Variants in LY96 observed in about 807,000 individuals in gnomAD.
LY96 encodes the protein myeloid differentiation protein-2.
A neutral mutation model predicts 18.9 loss-of-function variants in LY96; 18 were observed. The observed-to-expected ratio is 0.95, with a 90% CI of 0.66 to 1.41. The LOEUF is 1.41. Ranked by LOEUF, LY96 falls within the 40% of genes most tolerant of loss-of-function variation. The pLI is 0.00. For missense variants in LY96, 175 were observed against 182.4 expected (o/e 0.96, Z 0.23); for synonymous variants, 66 against 62.6 (o/e 1.06, Z -0.26).
the LY96 span, among the ~76,000 whole-genome samples, chr8:74,093,628 C>T: frequency 6.6e-6 from 1 of 152,198 alleles, no homozygotes; most frequent in Non-Finnish European, 1.5e-5. Context: ...GGCTCAGCCC[C>T]GTGGGAGCAG....
chr8:74,002,316 C>A (rs1355696223), intron 1 of LY96, among the ~76,000 whole-genome samples: 2 of 151,344 alleles, frequency 1.3e-5, no homozygotes, highest in African/African-American at 4.9e-5. Flanking sequence ...GTAGTCTGTT[C>A]TTTTTTTCTT....
At chr8:74,074,283 A>G in the LY96 span, among the ~76,000 whole-genome samples, 2 of 152,236 alleles carry the variant, frequency 1.3e-5, no homozygotes, top group African/African-American at 4.8e-5. Context: ...TACAGGCGTG[A>G]GCCACTGTGC....
At chr8:74,033,754 A>G (rs1164396080), downstream of LY96, among the ~76,000 whole-genome samples, 1 of 152,246 alleles carries the variant, frequency 6.6e-6, no homozygotes, top group Non-Finnish European at 1.5e-5. Flanking sequence ...CAATTAAGTG[A>G]AGAATGTTTT....
At chr8:74,019,073 C>G (rs1244056561) in intron 3 of LY96, among the ~76,000 whole-genome samples, 3 of 152,012 alleles carry the variant, frequency 2.0e-5, no homozygotes, top group African/African-American at 7.3e-5. Flanking sequence ...TAACTAAGAT[C>G]AGAGCAGAAC....
intron 2 of LY96, among the ~76,000 whole-genome samples, chr8:74,007,904 C>T (rs112793867): frequency 0.026 from 3,882 of 152,226 alleles, 178 homozygotes; most frequent in African/African-American, 0.087. Flanking sequence ...GGATTACAGG[C>T]GCCTGCCACT....
intron 1 of LY96, among the ~76,000 whole-genome samples, chr8:73,995,647 G>A (rs1184007278): frequency 6.6e-6 from 1 of 152,142 alleles, no homozygotes; most frequent in Non-Finnish European, 1.5e-5. Context: ...GGCAAAAAAT[G>A]TGGGTGTGTG....
chr8:74,002,576 T>TA (rs1816318860), intron 1 of LY96, among the ~76,000 whole-genome samples: 3 of 140,762 alleles, frequency 2.1e-5, no homozygotes, highest in Non-Finnish European at 3.0e-5. Context: ...TTTATTTCTT[T>TA]TTTTTTTTTT....
the LY96 span, among the ~76,000 whole-genome samples, chr8:74,070,337 C>T: frequency 7.9e-5 from 12 of 151,954 alleles, no homozygotes; most frequent in East Asian, 9.7e-4. Flanking sequence ...GTGATCCGCC[C>T]GCCTCGGCCT....
At chr8:74,057,542 G>C in the LY96 span, among the ~76,000 whole-genome samples, 1 of 152,066 alleles carries the variant, frequency 6.6e-6, no homozygotes, top group African/African-American at 2.4e-5. Context: ...GCTCTCAGAG[G>C]CTCTTCAAAC....
chr8:74,006,229 C>T (rs1816408152), intron 2 of LY96, among the ~76,000 whole-genome samples: 1 of 152,086 alleles, frequency 6.6e-6, no homozygotes, highest in Non-Finnish European at 1.5e-5. Flanking sequence ...GAGTCTCTGT[C>T]TGTTGCCCAG....
intron 1 of LY96, among the ~76,000 whole-genome samples, chr8:74,000,798 C>A (rs1279052427): frequency 1.3e-5 from 2 of 152,148 alleles, no homozygotes; most frequent in Non-Finnish European, 2.9e-5. Context: ...GTTGAGAAAT[C>A]CAACATTGAG....
chr8:74,088,134 A>AATGGAATGGAATG, the LY96 span, among the ~76,000 whole-genome samples: 1 of 150,846 alleles, frequency 6.6e-6, no homozygotes, highest in African/African-American at 2.5e-5. Context: ...AGAATAGAAT[A>AATGGAATGGAATG]GAATAGAATA....
rs1816307421 is a variant in LY96 at position 74,002,097 on chromosome 8, C to CTTTCTTTCTTTCTTTCTT, written c.113-2698_113-2697insTTCTTTCTTTCTTTCTTT. ...TTCCTTTCTTTCTTTCTTTCTTTCTCTCTCTCTCTCTCTCTCTCTCTCTCT... is the reference window on the plus strand; with the variant it reads ...TTCCTTTCTTTCTTTCTTTCTTTCTCTTTCTTTCTTTCTTTCTTTCTCTCTCTCTCTCTCTCTCTCTCT... On this transcript the variant is annotated intron_variant, in intron 1 of 4. Coordinates refer to ENST00000284818, the MANE Select transcript of LY96 (RefSeq NM_015364.5). Among the ~76,000 whole-genome samples, 7 of 12,038 alleles carry CTTTCTTTCTTTCTTTCTT rather than the reference C, an allele frequency of 5.8e-4. 1 individual carries two copies. Among genetic ancestry groups the CTTTCTTTCTTTCTTTCTT allele is most frequent in the African/African-American group, 9.3e-4 (5 of 5,380 alleles). The allele number at this position is 12,038 out of a possible 152,430, so 7.9% of individuals were successfully genotyped here.
At chr8:73,994,495 T>G (rs974396826) in intron 1 of LY96, among the ~76,000 whole-genome samples, 1 of 152,148 alleles carries the variant, frequency 6.6e-6, no homozygotes, top group Non-Finnish European at 1.5e-5. Context: ...TCTAAGTGTA[T>G]GTTTTTTTAA....
At position 73,998,332 on chromosome 8, in the gene LY96, A is replaced by G. The variant is rs75095976; in HGVS notation, c.113-6464A>G. ...TATATGTTTCTTATTATATCACAGTATCACAAATTCTGTACACATTTTATA... is the reference window on the plus strand; with the variant it reads ...TATATGTTTCTTATTATATCACAGTGTCACAAATTCTGTACACATTTTATA... On this transcript the variant is annotated intron_variant, in intron 1 of 4. Transcript: ENST00000284818. Among the ~76,000 whole-genome samples, 331 of 152,252 alleles carry G rather than the reference A, an allele frequency of 2.2e-3. 1 individual carries two copies. The highest frequency in any genetic ancestry group is 4.0e-3 in the Non-Finnish European group (275 of 68,028).
downstream of LY96, among the ~76,000 whole-genome samples, chr8:74,033,939 A>G (rs34200643): frequency 0.034 from 5,243 of 152,122 alleles, 125 homozygotes; most frequent in Non-Finnish European, 0.053. Flanking sequence ...CTAGAATAAC[A>G]TATTTTTAGG....
chr8:74,084,826 G>A, the LY96 span, among the ~76,000 whole-genome samples: 1 of 152,116 alleles, frequency 6.6e-6, no homozygotes. Flanking sequence ...TGTTGGCCAG[G>A]CTGGTCTCAA....
chr8:74,066,691 G>A, the LY96 span, among the ~76,000 whole-genome samples: 1 of 152,212 alleles, frequency 6.6e-6, no homozygotes, highest in African/African-American at 2.4e-5. Flanking sequence ...AATAGGAGCA[G>A]ATTTGTGTTT....
chr8:74,046,465 A>T, the LY96 span, among the ~76,000 whole-genome samples: 2 of 152,182 alleles, frequency 1.3e-5, no homozygotes, highest in Non-Finnish European at 2.9e-5. Context: ...TTTATTAGGA[A>T]CACATTTTTC....
Sources: allele counts gnomAD v4.1 joint callset (sites outside exome capture counted in the v4.1 genomes callset), GRCh38; gene constraint gnomAD v4.1.1; transcripts MANE v1.5; gene names NCBI Gene and HGNC (gene_info 2026-07-23, HGNC 2026-07-21).